The following KRAS variants were observed in gnomAD, a reference collection of about 807,000 sequenced individuals.
KRAS encodes the protein GTPase KRas.
A neutral mutation model predicts 21.0 loss-of-function variants in KRAS; 1 was observed. That is an observed-to-expected ratio of 0.05 (90% CI 0.02 to 0.23). The LOEUF is 0.23. KRAS is among the 10% of genes least tolerant of loss of function. KRAS has a pLI of 1.00. For missense variants in KRAS, 107 were observed against 221.8 expected (o/e 0.48, Z 3.29); for synonymous variants, 67 against 72.5 (o/e 0.92, Z 0.39).
intron 4 of KRAS, among the ~76,000 whole-genome samples, chr12:25,223,022 C>G (rs923483895): frequency 5.9e-5 from 9 of 152,150 alleles, no homozygotes; most frequent in African/African-American, 2.2e-4. Flanking sequence ...GACTCGGTCC[C>G]CACCTAAACC....
chr12:25,211,044 T>C (rs1951196141), intron 4 of KRAS: 1 of 152,144 alleles, frequency 6.6e-6, no homozygotes, highest in Non-Finnish European at 1.5e-5. Context: ...GAGTAGTAAC[T>C]ATAAAAAGAA....
rs183595428 is a variant in KRAS at position 25,221,220 on chromosome 12, A to C, written c.450+4394T>G. Among the ~76,000 whole-genome samples the C allele has an allele frequency of 2.5e-3, 386 of 151,996 alleles. 3 individuals carry two copies. The highest frequency in any genetic ancestry group is 9.1e-3 in the African/African-American group (379 of 41,470). ...TCAGCATATTACAGCCAATGGACCA[A>C]ATGCAGCCACAGCCTTTTTTTTTTT... is the stretch of plus-strand genomic sequence containing the variant. On this transcript the variant is annotated intron_variant, in intron 4 of 4. Transcript: ENST00000311936.
chr12:25,246,846 G>A (rs1346614781), intron 1 of KRAS, among the ~76,000 whole-genome samples: 1 of 151,846 alleles, frequency 6.6e-6, no homozygotes, highest in African/African-American at 2.4e-5. Flanking sequence ...GAACCCAGGA[G>A]GCGGAGCTTG....
intron 1 of KRAS, among the ~76,000 whole-genome samples, chr12:25,249,505 T>C (rs1951735475): frequency 7.1e-6 from 1 of 140,928 alleles, no homozygotes; most frequent in Non-Finnish European, 1.5e-5. Context: ...GGCAGGAGAA[T>C]TGCTTGAACC....
intron 2 of KRAS, among the ~76,000 whole-genome samples, chr12:25,241,293 A>G (rs376689651): frequency 6.6e-6 from 1 of 152,216 alleles, no homozygotes; most frequent in Non-Finnish European, 1.5e-5. Flanking sequence ...AATTGATGCC[A>G]CCCATAATTT....
chr12:25,235,638 C>G (rs1951535597), intron 2 of KRAS, among the ~76,000 whole-genome samples: 1 of 152,138 alleles, frequency 6.6e-6, no homozygotes, highest in African/African-American at 2.4e-5. Flanking sequence ...CAGGAGAGAT[C>G]AACTTTGTAT....
chr12:25,250,347 G>A (rs1204957630), intron 1 of KRAS, among the ~76,000 whole-genome samples: 1 of 152,294 alleles, frequency 6.6e-6, no homozygotes, highest in African/African-American at 2.4e-5. Flanking sequence ...AGCGGGGAGA[G>A]GGGGAGGGGA....
At chr12:25,219,145 C>G (rs1222525673) in intron 4 of KRAS, among the ~76,000 whole-genome samples, 1 of 151,948 alleles carries the variant, frequency 6.6e-6, no homozygotes, top group African/African-American at 2.4e-5. Context: ...ACCATATTGC[C>G]CAGGCTGGTC....
rs1592792210 is a variant in KRAS, at chr12:25,207,471, G to A, written c.*2324C>T. 2 of 193,426 alleles carry A rather than the reference G, an allele frequency of 1.0e-5. No individual in the cohort carries two copies. Among genetic ancestry groups the A allele is most frequent in the Non-Finnish European group, 2.1e-5 (2 of 93,138 alleles). 12.0% of individuals were successfully genotyped at this position (193,426 alleles called of 1,614,324 possible). A position where few individuals can be genotyped will look rare whatever the true frequency, so the allele number is the denominator to read the frequency against. ...GGAGGTTGCAGTGAGCTGAGATGGCGCCACTGCATTCCAGCCTGGGTGACA... is the reference window on the plus strand; with the variant it reads ...GGAGGTTGCAGTGAGCTGAGATGGCACCACTGCATTCCAGCCTGGGTGACA... On this transcript the variant is annotated 3_prime_UTR_variant, in exon 5 of 5. Coordinates refer to ENST00000311936, the MANE Select transcript of KRAS (RefSeq NM_004985.5).
chr12:25,245,960 A>T (rs911608646), intron 1 of KRAS, among the ~76,000 whole-genome samples: 1 of 152,178 alleles, frequency 6.6e-6, no homozygotes, highest in African/African-American at 2.4e-5. Context: ...AGTTGAGAGA[A>T]TGAGTGTCAA....
At position 25,206,352 on chromosome 12, in the gene KRAS, C is replaced by G. The variant is rs1271995027; in HGVS notation, c.*3443G>C. ...AATATACGTCTGCTATATTCTTCCA[C>G]AAACATGTTAATGCCTAAGTCTATG... On this transcript the variant is annotated 3_prime_UTR_variant, in exon 5 of 5. Transcript: ENST00000311936. The G allele has an allele frequency of 2.4e-5, 5 of 206,894 alleles. No homozygotes were observed. Among genetic ancestry groups the G allele is most frequent in the Non-Finnish European group, 4.9e-5 (5 of 101,534 alleles). The allele number at this position is 206,894 out of a possible 1,614,324, so 12.8% of individuals were successfully genotyped here.
At chr12:25,225,397 T>C (rs973972387) in intron 4 of KRAS, 5 of 415,802 alleles carry the variant, frequency 1.2e-5, no homozygotes, top group African/African-American at 8.3e-5. Flanking sequence ...GTGCTCAGAA[T>C]TGAAGAGAAA....
chr12:25,205,918 T>TC lies in KRAS; in HGVS notation c.*3876dup, dbSNP rs1951133075. 4.6e-6 allele frequency: 1 copy of TC among 215,486 alleles called. No homozygotes were observed. The highest frequency in any genetic ancestry group is 1.9e-4 in the South Asian group (1 of 5,376). 13.3% of individuals were successfully genotyped at this position (215,486 alleles called of 1,614,324 possible). ...GTTTCTCAATGCAGAATTCATGCTA[T>TC]CCAGTATTAACACAGAAGTTACTAA... On this transcript the variant is annotated 3_prime_UTR_variant, in exon 5 of 5. Transcript: ENST00000311936.
At chr12:25,234,676 C>A (rs765545737) in intron 2 of KRAS, 28 of 187,538 alleles carry the variant, frequency 1.5e-4, no homozygotes, top group Non-Finnish European at 2.6e-4. Context: ...TATTAAATGC[C>A]TTTATTTTGA....
At chr12:25,242,441 G>C (rs1480892581) in intron 2 of KRAS, among the ~76,000 whole-genome samples, 1 of 151,966 alleles carries the variant, frequency 6.6e-6, no homozygotes, top group Non-Finnish European at 1.5e-5. Flanking sequence ...GAACTATAAA[G>C]GTATATATTT....
At chr12:25,248,398 C>T (rs529163734) in intron 1 of KRAS, among the ~76,000 whole-genome samples, 19 of 150,020 alleles carry the variant, frequency 1.3e-4, no homozygotes, top group South Asian at 2.1e-4. Context: ...AGTAGCGGGC[C>T]GAGATCGCGC....
chr12:25,248,396 G>T (rs1402628873), intron 1 of KRAS, among the ~76,000 whole-genome samples: 1 of 149,462 alleles, frequency 6.7e-6, no homozygotes, highest in Non-Finnish European at 1.5e-5. Context: ...GTAGTAGCGG[G>T]CCGAGATCGC....
chr12:25,249,925 A>G (rs1028814414), intron 1 of KRAS, among the ~76,000 whole-genome samples: 5 of 152,200 alleles, frequency 3.3e-5, no homozygotes, highest in Admixed American at 2.6e-4. Context: ...TTGACCAAGC[A>G]AAACAGACCA....
At chr12:25,215,115 A>G in intron 4 of KRAS, 3 of 258,304 alleles carry the variant, frequency 1.2e-5, no homozygotes, top group African/African-American at 2.3e-5. Flanking sequence ...AAAAAAAAAA[A>G]GCTGCTGATT....
Sources: allele counts gnomAD v4.1 joint callset (sites outside exome capture counted in the v4.1 genomes callset), GRCh38; gene constraint gnomAD v4.1.1; transcripts MANE v1.5; gene names NCBI Gene and HGNC (gene_info 2026-07-23, HGNC 2026-07-21).